RAPGEF1: variants seen among roughly 807,000 people sequenced by gnomAD.
RAPGEF1 encodes the protein Rap guanine nucleotide exchange factor 1, also known as CRK SH3-binding GNRP.
In RAPGEF1, 33 loss-of-function variants were observed where a neutral mutation model predicts 143.3. The observed-to-expected ratio is 0.23, with a 90% CI of 0.17 to 0.31. The LOEUF (loss-of-function observed/expected upper bound fraction) is 0.31, where lower values mean the gene tolerates loss of function less well. Among genes scored for constraint, RAPGEF1 ranks in the 10% least tolerant of loss-of-function variants. RAPGEF1 has a pLI of 1.00. For synonymous variants in RAPGEF1, 629 were observed against 676.5 expected, an observed-to-expected ratio of 0.93 and a Z score of 1.09; for missense variants, 1,199 against 1,645.4, an observed-to-expected ratio of 0.73 and a Z score of 4.69.
At chr9:131,599,323 T>C (rs1412050715) in intron 15 of RAPGEF1, among the ~76,000 whole-genome samples, 1 of 151,940 alleles carries the variant, frequency 6.6e-6, no homozygotes, top group East Asian at 1.9e-4. Context: ...GGTCTCACTA[T>C]GTAGCTCAGG....
intron 15 of RAPGEF1, among the ~76,000 whole-genome samples, chr9:131,600,739 A>G (rs1956130360): frequency 6.6e-6 from 1 of 152,190 alleles, no homozygotes; most frequent in Non-Finnish European, 1.5e-5. Flanking sequence ...GAGAAGGGGA[A>G]GTCAATGTGA....
chr9:131,688,519 G>T (rs1027130979), intron 1 of RAPGEF1, among the ~76,000 whole-genome samples: 5 of 152,166 alleles, frequency 3.3e-5, no homozygotes, highest in African/African-American at 1.2e-4. Context: ...TGGCTACTTT[G>T]AAACTCTGTA....
At chr9:131,606,585 A>T (rs546854555) in intron 12 of RAPGEF1, among the ~76,000 whole-genome samples, 11 of 152,286 alleles carry the variant, frequency 7.2e-5, no homozygotes, top group Non-Finnish European at 1.5e-4. Context: ...GGAAAAGAGG[A>T]AGAAGAGGAA....
intron 15 of RAPGEF1, among the ~76,000 whole-genome samples, chr9:131,600,128 A>C (rs1262076027): frequency 6.6e-6 from 1 of 152,140 alleles, no homozygotes; most frequent in Non-Finnish European, 1.5e-5. Flanking sequence ...GGGAAAAAAA[A>C]AAATGTGCCT....
chr9:131,595,495 T>G (rs1258663890), intron 17 of RAPGEF1, among the ~76,000 whole-genome samples: 1 of 152,242 alleles, frequency 6.6e-6, no homozygotes, highest in African/African-American at 2.4e-5. Context: ...GGGGGTGTTT[T>G]CATTCCCTCC....
intron 1 of RAPGEF1, among the ~76,000 whole-genome samples, chr9:131,684,394 T>A (rs1306697769): frequency 6.6e-6 from 1 of 152,234 alleles, no homozygotes; most frequent in Non-Finnish European, 1.5e-5. Context: ...CCCCAGGCTA[T>A]CCTAGCCAAG....
At chr9:131,607,718 CCCTCA>C (rs1216349299) in intron 12 of RAPGEF1, among the ~76,000 whole-genome samples, 2 of 152,188 alleles carry the variant, frequency 1.3e-5, no homozygotes, top group Non-Finnish European at 2.9e-5. Context: ...AAACAGATCC[CCCTCA>C]CCTTGCCTTG....
At chr9:131,732,737 T>C (rs1340431102) in intron 1 of RAPGEF1, among the ~76,000 whole-genome samples, 1 of 152,218 alleles carries the variant, frequency 6.6e-6, no homozygotes, top group African/African-American at 2.4e-5. Context: ...AATTTGAGAC[T>C]TGGAACCAGA....
chr9:131,676,133 C>A (rs545112503), intron 1 of RAPGEF1, among the ~76,000 whole-genome samples: 1 of 152,152 alleles, frequency 6.6e-6, no homozygotes, highest in South Asian at 2.1e-4. Flanking sequence ...AGGTGGGCAC[C>A]AACAGTGCAA....
chr9:131,676,625 G>T (rs965597471), intron 1 of RAPGEF1, among the ~76,000 whole-genome samples: 1 of 152,210 alleles, frequency 6.6e-6, no homozygotes, highest in Admixed American at 6.5e-5. Flanking sequence ...TCCCAAGAAA[G>T]AAATGGGCAT....
Position 131,626,156 on chromosome 9 carries a change from C to G in RAPGEF1, c.1468G>C (p.Gly490Arg), listed in dbSNP as rs1219516575. 6.2e-7 allele frequency: 1 copy of G among 1,613,954 alleles called. No individual in the cohort carries two copies. Among genetic ancestry groups the G allele is most frequent in the Admixed American group, 1.7e-5 (1 of 60,028 alleles). Residue 490 changes from glycine (G) to arginine (R), a missense_variant, in exon 10 of 27, where the codon GGC becomes CGC. Around this residue, in one of 6 missense-constraint regions of RAPGEF1, gnomAD observed 613 missense variants for 710.9 expected, o/e 0.86. Coordinates refer to ENST00000683357, the MANE Select transcript of RAPGEF1 (RefSeq NM_001377935.1). ...TGCCGCTCGTAGGACACCCTGCAGC[C>G]AGAGCCGTCCGCCGTCTGGGAGGCT... ...SAASQTADGS[G>R]CRVSYERHPS...
At position 131,739,904 on chromosome 9, in the gene RAPGEF1, G is replaced by C. The variant is rs1469009548; in HGVS notation, c.-74C>G. The stretch of plus-strand genomic sequence containing the variant: ...GCTCGCCTCGGCCCTGGCTCGCCAC[G>C]CCTCAGACCCGCGCCGGCATGGCGG... On this transcript the variant is annotated 5_prime_UTR_variant, in exon 1 of 27. Transcript: ENST00000683357. 6.9e-6 allele frequency: 6 copies of C among 873,812 alleles called. No individual in the cohort carries two copies. The Admixed American group carries it at 3.8e-4, about 56-fold the overall frequency. 54.1% of individuals were successfully genotyped at this position (873,812 alleles called of 1,614,324 possible).
intron 1 of RAPGEF1, among the ~76,000 whole-genome samples, chr9:131,729,893 C>T (rs1211857774): frequency 6.6e-6 from 1 of 152,206 alleles, no homozygotes; most frequent in African/African-American, 2.4e-5. Context: ...CAACTCCATA[C>T]TTATGATAAG....
chr9:131,585,851 T>C (rs1353418934), intron 22 of RAPGEF1, among the ~76,000 whole-genome samples: 1 of 152,010 alleles, frequency 6.6e-6, no homozygotes, highest in Non-Finnish European at 1.5e-5. Flanking sequence ...AGCTCTGGTT[T>C]ATAAACACAT....
chr9:131,586,103 C>T (rs571133843), intron 22 of RAPGEF1, among the ~76,000 whole-genome samples: 96 of 152,082 alleles, frequency 6.3e-4, no homozygotes, highest in African/African-American at 2.2e-3. Flanking sequence ...GGCGTGAACC[C>T]GGGAGGTGGA....
intron 12 of RAPGEF1, among the ~76,000 whole-genome samples, chr9:131,608,782 T>A (rs1272277115): frequency 2.0e-5 from 3 of 152,150 alleles, no homozygotes; most frequent in Non-Finnish European, 4.4e-5. Flanking sequence ...AGGAGCTGCA[T>A]CAGGGCTCAT....
intron 1 of RAPGEF1, among the ~76,000 whole-genome samples, chr9:131,659,327 C>A (rs1973360796): frequency 6.6e-6 from 1 of 151,186 alleles, no homozygotes; most frequent in African/African-American, 2.4e-5. Context: ...AAGTCTGTGG[C>A]TTTTTTTTTA....
At chr9:131,596,219 G>A (rs1428943732) in intron 17 of RAPGEF1, 79 bp downstream of exon 17, 8 of 1,355,864 alleles carry the variant, frequency 5.9e-6, no homozygotes, top group Admixed American at 1.8e-5. Flanking sequence ...CTGCCAGGAG[G>A]GGACAGGATA....
At chr9:131,657,828 C>T (rs116348203) in intron 1 of RAPGEF1, among the ~76,000 whole-genome samples, 66 of 152,336 alleles carry the variant, frequency 4.3e-4, no homozygotes, top group African/African-American at 1.5e-3. Context: ...CTTATCATCC[C>T]TTACTTTTCA....
Sources: gnomAD v4.1 joint callset for allele counts (sites outside exome capture counted in the v4.1 genomes callset) on GRCh38, gnomAD v4.1.1 for gene constraint, gnomAD v4.1.1 regional missense constraint, MANE v1.5 for transcripts, NCBI Gene and HGNC (gene_info 2026-07-23, HGNC 2026-07-21) for gene names.